The following CADM2 variants were observed in gnomAD, a reference collection of about 807,000 sequenced individuals.
The protein encoded by CADM2 is cell adhesion molecule 2, also known as immunoglobulin superfamily member 4D.
Under a neutral mutation model 49.8 loss-of-function variants are expected in CADM2, and 12 were observed. That is an observed-to-expected ratio of 0.24 (90% CI 0.15 to 0.39). The LOEUF (loss-of-function observed/expected upper bound fraction) is 0.39. Ranked by LOEUF, CADM2 falls within the 10% of genes least tolerant of loss-of-function variation. CADM2 has a pLI of 1.00. For synonymous variants in CADM2, 214 were observed against 175.4 expected (o/e 1.22, Z -1.74); for missense variants, 378 against 492.3 (o/e 0.77, Z 2.20).
At chr3:85,597,200 A>T (rs952869718) in intron 1 of CADM2, among the ~76,000 whole-genome samples, 1 of 144,728 alleles carries the variant, frequency 6.9e-6, no homozygotes, top group Non-Finnish European at 1.6e-5. Flanking sequence ...TGTCAAGATT[A>T]AAAAAATGCT....
chr3:85,193,992 C>A lies in CADM2; in HGVS notation c.61+234324C>A, dbSNP rs536210517. ...ATAATTATGTCAAAATATAAAGTGG[C>A]AGTTGCAAAAGTGTTGCCAAGTGGT... is the stretch of plus-strand genomic sequence containing the variant. On this transcript the variant is annotated intron_variant, in intron 1 of 9. Transcript: ENST00000383699. Among the ~76,000 whole-genome samples the A allele has an allele frequency of 2.6e-5, 4 of 152,110 alleles. No homozygotes were observed. The South Asian group carries it at 8.3e-4, about 32-fold the overall frequency.
intron 1 of CADM2, among the ~76,000 whole-genome samples, chr3:85,645,556 A>G (rs1399560589): frequency 6.6e-6 from 1 of 152,020 alleles, no homozygotes; most frequent in Non-Finnish European, 1.5e-5. Context: ...AAGTCACTAC[A>G]TGATTTTCAG....
chr3:85,161,043 T>C (rs1251037256), intron 1 of CADM2, among the ~76,000 whole-genome samples: 2 of 152,176 alleles, frequency 1.3e-5, no homozygotes, highest in African/African-American at 2.4e-5. Context: ...TTCATTCCAT[T>C]AAATATAATA....
intron 1 of CADM2, among the ~76,000 whole-genome samples, chr3:85,618,163 TAC>T (rs2063851748): frequency 6.6e-6 from 1 of 152,166 alleles, no homozygotes; most frequent in Non-Finnish European, 1.5e-5. Flanking sequence ...TGAAAAAAAT[TAC>T]ATAGCAGCTA....
At chr3:85,210,086 G>T (rs1215807670) in intron 1 of CADM2, among the ~76,000 whole-genome samples, 1 of 152,182 alleles carries the variant, frequency 6.6e-6, no homozygotes, top group Non-Finnish European at 1.5e-5. Context: ...AAATTTTCCA[G>T]ATAAAGCTGT....
intron 1 of CADM2, among the ~76,000 whole-genome samples, chr3:85,075,818 A>G (rs1431465508): frequency 6.6e-6 from 1 of 152,312 alleles, no homozygotes; most frequent in East Asian, 1.9e-4. Context: ...CTAAAATGCA[A>G]CACAACTATT....
chr3:85,158,194 G>A (rs1372205268), intron 1 of CADM2, among the ~76,000 whole-genome samples: 2 of 152,170 alleles, frequency 1.3e-5, no homozygotes, highest in African/African-American at 2.4e-5. Context: ...GGAAACAACA[G>A]GTGCTGGAGA....
intron 1 of CADM2, among the ~76,000 whole-genome samples, chr3:85,333,066 A>G (rs1255261501): frequency 6.6e-6 from 1 of 151,780 alleles, no homozygotes; most frequent in Non-Finnish European, 1.5e-5. Flanking sequence ...TTGTCTCGTT[A>G]GACATTTATA....
intron 7 of CADM2, among the ~76,000 whole-genome samples, chr3:85,947,506 T>G (rs1722880750): frequency 6.6e-6 from 1 of 151,580 alleles, no homozygotes; most frequent in Non-Finnish European, 1.5e-5. Context: ...CCAAAATGTC[T>G]TCAAAGATAT....
intron 3 of CADM2, among the ~76,000 whole-genome samples, chr3:85,843,898 G>A (rs4473564): frequency 0.21 from 31,555 of 148,684 alleles, 3,363 homozygotes; most frequent in Admixed American, 0.23. Flanking sequence ...ATGTGTGTGT[G>A]GGGGGGGAGC....
intron 1 of CADM2, among the ~76,000 whole-genome samples, chr3:85,061,453 C>T (rs531420559): frequency 1.3e-5 from 2 of 152,140 alleles, no homozygotes; most frequent in South Asian, 2.1e-4. Flanking sequence ...TATAGTTTTA[C>T]GTAACATTTG....
At chr3:85,879,441 A>G (rs1712405851) in intron 3 of CADM2, among the ~76,000 whole-genome samples, 1 of 152,088 alleles carries the variant, frequency 6.6e-6, no homozygotes, top group Non-Finnish European at 1.5e-5. Flanking sequence ...TGGGAGGGTG[A>G]TTTTTTAAAG....
chr3:84,991,248 A>G (rs951635134), intron 1 of CADM2, among the ~76,000 whole-genome samples: 1 of 147,618 alleles, frequency 6.8e-6, no homozygotes, highest in Admixed American at 6.7e-5. Context: ...ATTGTACTGG[A>G]AAATTCATTG....
intron 1 of CADM2, among the ~76,000 whole-genome samples, chr3:85,100,321 C>G (rs1352191065): frequency 6.6e-6 from 1 of 152,148 alleles, no homozygotes; most frequent in Non-Finnish European, 1.5e-5. Context: ...CCAAGTAACA[C>G]AGGGCAGAAC....
intron 1 of CADM2, among the ~76,000 whole-genome samples, chr3:85,208,618 A>G (rs1012858652): frequency 6.6e-6 from 1 of 152,196 alleles, no homozygotes; most frequent in African/African-American, 2.4e-5. Context: ...GAAAGCAGTT[A>G]AAATGTTGAC....
At chr3:85,507,364 T>C (rs2040403387) in intron 1 of CADM2, among the ~76,000 whole-genome samples, 1 of 151,702 alleles carries the variant, frequency 6.6e-6, no homozygotes, top group African/African-American at 2.4e-5. Flanking sequence ...GTTTTTTGTA[T>C]TTTTAGTAGA....
intron 2 of CADM2, among the ~76,000 whole-genome samples, chr3:85,764,745 A>T (rs1427598901): frequency 6.6e-6 from 1 of 152,090 alleles, no homozygotes; most frequent in African/African-American, 2.4e-5. Flanking sequence ...AAGTTCCTAG[A>T]TGATTAATAA....
intron 1 of CADM2, among the ~76,000 whole-genome samples, chr3:85,725,712 C>A (rs138386564): frequency 6.6e-6 from 1 of 151,972 alleles, no homozygotes; most frequent in Admixed American, 6.6e-5. Flanking sequence ...TATACTTCAG[C>A]TTATTAATGG....
intron 1 of CADM2, among the ~76,000 whole-genome samples, chr3:85,486,845 G>A (rs993315217): frequency 6.6e-6 from 1 of 152,042 alleles, no homozygotes; most frequent in Admixed American, 6.6e-5. Flanking sequence ...AATTTATGTG[G>A]AAAATGTCAA....
Sources: gnomAD v4.1 joint callset for allele counts (sites outside exome capture counted in the v4.1 genomes callset) on GRCh38, gnomAD v4.1.1 for gene constraint, MANE v1.5 for transcripts, NCBI Gene and HGNC (gene_info 2026-07-23, HGNC 2026-07-21) for gene names.